DOCK8: variants seen among roughly 807,000 people sequenced by gnomAD.
The protein encoded by DOCK8 is dedicator of cytokinesis protein 8.
Under a neutral mutation model 245.6 loss-of-function variants are expected in DOCK8, and 141 were observed. The observed-to-expected ratio is 0.57, with a 90% CI of 0.50 to 0.66. The LOEUF (loss-of-function observed/expected upper bound fraction) is 0.66. Among genes scored for constraint, DOCK8 ranks in the 30% least tolerant of loss-of-function variants. The probability of loss-of-function intolerance (pLI) is 0.00; values close to 1 mark genes in which losing one functional copy is unlikely to be tolerated. For missense variants in DOCK8, 2,965 were observed against 2,603.4 expected, an observed-to-expected ratio of 1.14 and a Z score of -3.02; for synonymous variants, 1,168 against 970.2, an observed-to-expected ratio of 1.20 and a Z score of -3.79.
intron 8 of DOCK8, among the ~76,000 whole-genome samples, chr9:326,804 G>A (rs1294422164): frequency 6.6e-6 from 1 of 152,220 alleles, no homozygotes; most frequent in Non-Finnish European, 1.5e-5. Context: ...AGGCCTGGAA[G>A]TTTGATACAT....
At chr9:419,712 T>C (rs2056194461) in intron 30 of DOCK8, among the ~76,000 whole-genome samples, 1 of 152,202 alleles carries the variant, frequency 6.6e-6, no homozygotes, top group South Asian at 2.1e-4. Flanking sequence ...TGTTGTTGTT[T>C]GTGTTGATGA....
Position 449,833 on chromosome 9 carries a change from C to T in DOCK8, c.5867C>T (p.Thr1956Ile), listed in dbSNP as rs1330627029. 1 of 1,613,480 alleles carries T rather than the reference C, an allele frequency of 6.2e-7. No individual in the cohort carries two copies. Among genetic ancestry groups the T allele is most frequent in the Admixed American group, 1.7e-5 (1 of 60,030 alleles). Residue 1956 changes from threonine (T) to isoleucine (I), a missense_variant, in exon 45 of 48, where the codon ACC becomes ATC. This residue lies in a region of DOCK8 where 2,825 missense variants were observed against 2,453.5 expected (regional missense o/e 1.15). Coordinates refer to ENST00000432829, the MANE Select transcript of DOCK8 (RefSeq NM_203447.4). The part of the protein sequence containing the change: ...EVAIEDMKKK[T>I]LQLAVAINQE... ...GCCATTGAAGACATGAAGAAGAAGA[C>T]CCTGCAGTTAGCAGTTGCCATTAAC...
intron 39 of DOCK8, among the ~76,000 whole-genome samples, chr9:437,638 T>A (rs909695906): frequency 2.6e-5 from 4 of 152,118 alleles, no homozygotes; most frequent in African/African-American, 9.7e-5. Context: ...GCTCTGTGCT[T>A]TAATTTTCAA....
At chr9:307,733 G>A (rs2049913894) in intron 5 of DOCK8, among the ~76,000 whole-genome samples, 1 of 152,044 alleles carries the variant, frequency 6.6e-6, no homozygotes, top group African/African-American at 2.4e-5. Flanking sequence ...CAGAGGAAAG[G>A]ATATCAGTAT....
intron 24 of DOCK8, among the ~76,000 whole-genome samples, chr9:395,155 A>G (rs115043200): frequency 0.014 from 2,072 of 152,254 alleles, 55 homozygotes; most frequent in African/African-American, 0.047. Flanking sequence ...CACCAGGTGC[A>G]TGCGGCCTTG....
At chr9:374,459 T>G (rs1433193998) in intron 18 of DOCK8, among the ~76,000 whole-genome samples, 1 of 140,596 alleles carries the variant, frequency 7.1e-6, no homozygotes, top group Non-Finnish European at 1.5e-5. Flanking sequence ...TTGTGTTTTT[T>G]TTTTTTTTTT....
At chr9:389,289 A>G (rs1455382582) in intron 23 of DOCK8, among the ~76,000 whole-genome samples, 1 of 152,232 alleles carries the variant, frequency 6.6e-6, no homozygotes, top group Non-Finnish European at 1.5e-5. Flanking sequence ...ATGCTGTAGA[A>G]TGGAAAAGGT....
intron 1 of DOCK8, among the ~76,000 whole-genome samples, chr9:228,444 G>T (rs2047034226): frequency 1.3e-5 from 2 of 152,018 alleles, no homozygotes; most frequent in African/African-American, 4.8e-5. Flanking sequence ...ACATGGTACT[G>T]TTTAAAATTT....
At chr9:287,314 CTG>C (rs1223149226) in intron 3 of DOCK8, among the ~76,000 whole-genome samples, 1 of 152,234 alleles carries the variant, frequency 6.6e-6, no homozygotes, top group South Asian at 2.1e-4. Context: ...ATCAAACTAA[CTG>C]TGGAATTGTA....
At chr9:410,250 C>A (rs1366971439) in intron 28 of DOCK8, among the ~76,000 whole-genome samples, 1 of 152,166 alleles carries the variant, frequency 6.6e-6, no homozygotes, top group Non-Finnish European at 1.5e-5. Flanking sequence ...CCATTATCCT[C>A]TCTCAGTTAC....
intron 4 of DOCK8, among the ~76,000 whole-genome samples, chr9:292,710 AT>A (rs2049098596): frequency 6.6e-6 from 1 of 152,046 alleles, no homozygotes; most frequent in South Asian, 2.1e-4. Context: ...CTTCCCCAGT[AT>A]GCCTTTTGTC....
intron 14 of DOCK8, among the ~76,000 whole-genome samples, chr9:351,131 C>T (rs1418406907): frequency 6.6e-6 from 1 of 152,154 alleles, no homozygotes; most frequent in Non-Finnish European, 1.5e-5. Context: ...CTGATAGGTC[C>T]TGGTAGGGTC....
At chr9:303,084 T>C (rs915163688) in intron 4 of DOCK8, among the ~76,000 whole-genome samples, 2 of 151,702 alleles carry the variant, frequency 1.3e-5, no homozygotes, top group Non-Finnish European at 2.9e-5. Flanking sequence ...TGCTTGAGCC[T>C]AGGAATTCAA....
intron 1 of DOCK8, among the ~76,000 whole-genome samples, chr9:220,023 A>G (rs1044060706): frequency 6.6e-6 from 1 of 152,250 alleles, no homozygotes; most frequent in Non-Finnish European, 1.5e-5. Context: ...AAATATATGT[A>G]TTCAAATGTA....
chr9:311,893 C>A, intron 5 of DOCK8, 61 bp from the exon 6 acceptor site: 1 of 1,593,990 alleles, frequency 6.3e-7, no homozygotes, highest in Non-Finnish European at 8.5e-7. Flanking sequence ...ATCCAAGATT[C>A]TTCGGTTCTC....
chr9:371,585 G>A lies in DOCK8; in HGVS notation c.2007+19G>A. Reference sequence around the variant, plus strand: ...ATATTCAGTGAGTTGTTTCCAGCCTGCTGACTCACACTGCAGTTGTTGGTG... The same window carrying A: ...ATATTCAGTGAGTTGTTTCCAGCCTACTGACTCACACTGCAGTTGTTGGTG... On this transcript the variant is annotated intron_variant, in intron 17 of 47. Coordinates refer to ENST00000432829, the MANE Select transcript of DOCK8 (RefSeq NM_203447.4). 2 of 1,614,050 alleles carry A rather than the reference G, an allele frequency of 1.2e-6. No homozygotes were observed. Among genetic ancestry groups the A allele is most frequent in the Non-Finnish European group, 1.7e-6 (2 of 1,179,962 alleles).
intron 14 of DOCK8, among the ~76,000 whole-genome samples, chr9:344,923 G>T (rs377764646): frequency 6.6e-6 from 1 of 152,056 alleles, no homozygotes; most frequent in Non-Finnish European, 1.5e-5. Flanking sequence ...GTGGTGGTGG[G>T]TGCCTGTAAT....
At chr9:215,084 GAAGCGGAGCTT>G in intron 1 of DOCK8, 55 bp downstream of exon 1, 1 of 1,529,160 alleles carries the variant, frequency 6.5e-7, no homozygotes, top group Non-Finnish European at 8.7e-7. Context: ...GCGCTGGTGT[GAAGCGGAGCTT>G]CGCTGCAGGG....
At chr9:442,119 TCTACATAAAGTTTTCCC>T in intron 42 of DOCK8, 110 bp downstream of exon 42, 1 of 1,485,466 alleles carries the variant, frequency 6.7e-7, no homozygotes, top group African/African-American at 1.4e-5. Context: ...ATCATTGATC[TCTACATAAAGTTTTCCC>T]CTTTGCATTT....
Sources: gnomAD v4.1 joint callset for allele counts (sites outside exome capture counted in the v4.1 genomes callset) on GRCh38, gnomAD v4.1.1 for gene constraint, gnomAD v4.1.1 regional missense constraint, MANE v1.5 for transcripts, NCBI Gene and HGNC (gene_info 2026-07-23, HGNC 2026-07-21) for gene names.